Variants in KIF24 observed in about 807,000 individuals in gnomAD.
The protein encoded by KIF24 is kinesin family member 24.
Under a neutral mutation model 118.9 loss-of-function variants are expected in KIF24, and 81 were observed. The observed-to-expected ratio is 0.68, with a 90% confidence interval of 0.57 to 0.82. The LOEUF is 0.82. KIF24 is among the 40% of genes least tolerant of loss of function. The pLI is 0.00. For missense variants in KIF24, 1,560 were observed against 1,661.6 expected, an observed-to-expected ratio of 0.94 and a Z score of 1.06; for synonymous variants, 599 against 610.0, an observed-to-expected ratio of 0.98 and a Z score of 0.27.
intron 4 of KIF24, among the ~76,000 whole-genome samples, chr9:34,291,779 AGCT>A (rs1836264448): frequency 6.6e-6 from 1 of 151,856 alleles, no homozygotes; most frequent in African/African-American, 2.4e-5. Context: ...TGATAAAAAT[AGCT>A]GCTTGCAGCA....
At chr9:34,271,754 A>C (rs1444662909) in intron 7 of KIF24, 55 bp downstream of exon 7, 5 of 1,593,972 alleles carry the variant, frequency 3.1e-6, no homozygotes, top group Non-Finnish European at 4.3e-6. Flanking sequence ...AACATACTTC[A>C]AAGTCACATT....
intron 1 of KIF24, among the ~76,000 whole-genome samples, chr9:34,313,715 A>G (rs1837242025): frequency 6.7e-6 from 1 of 150,328 alleles, no homozygotes. Flanking sequence ...TGCCTCTCAC[A>G]TGTATAGCTT....
chr9:34,280,841 C>T (rs1835826000), intron 6 of KIF24, among the ~76,000 whole-genome samples: 1 of 152,086 alleles, frequency 6.6e-6, no homozygotes, highest in Admixed American at 6.6e-5. Flanking sequence ...AGATATATAC[C>T]AATGATGGGC....
At chr9:34,297,639 G>GT (rs1836536761) in intron 3 of KIF24, among the ~76,000 whole-genome samples, 1 of 152,008 alleles carries the variant, frequency 6.6e-6, no homozygotes, top group Non-Finnish European at 1.5e-5. Context: ...GTGGGCACTT[G>GT]TAATCCCAGC....
Position 34,319,181 on chromosome 9 carries a change from CT to C in KIF24, c.-25-7811del. On this transcript the variant is annotated intron_variant, in intron 1 of 12. Transcript: ENST00000402558. ...AAAGCTGCAAATCGTGGAGATGCCC[CT>C]GGCCCACAAGCTCTCCAGCCTCATC... The C allele has an allele frequency of 6.9e-6, 11 of 1,605,018 alleles. No individual in the cohort carries two copies. In the South Asian group the frequency reaches 1.2e-4, roughly 18 times the overall value.
Position 34,310,889 on chromosome 9 carries a change from A to G in KIF24, c.458T>C (p.Ile153Thr). 1 of 1,613,970 alleles carries G rather than the reference A, an allele frequency of 6.2e-7. No individual in the cohort carries two copies. The highest frequency in any genetic ancestry group is 2.2e-5 in the East Asian group (1 of 44,880). The change falls in exon 2 of 13, where the codon ATT becomes ACT. Residue 153 changes from isoleucine to threonine, a missense_variant. Transcript: ENST00000402558. The stretch of plus-strand genomic sequence containing the variant: ...GGAATCACCAGCTGTGGCATTCAGA[A>G]TTCCTGTTTTTGTATGGTACTGGGA... Reference protein sequence around the residue: ...DDSQYHTKTGILNATAGDSYV... With the variant: ...DDSQYHTKTGTLNATAGDSYV...
In KIF24 at chr9:34,254,431, A is replaced by C; in HGVS notation, c.4056T>G (p.Tyr1352Ter). ...IQSLRSQLQLYLTCHGPTAAP... is the reference protein window; with the variant it reads ...IQSLRSQLQL ...CTGCGGTGGGCCCGTGGCAGGTGAG[A>C]TAGAGCTGCAGCTGGCTCCTCAGAC... Residue 1352 changes from tyrosine (Y) to a stop codon, truncating the protein, a stop_gained, in exon 13 of 13, where the codon TAT becomes TAG. Transcript: ENST00000402558. LOFTEE classifies it high-confidence loss of function. 1 of 1,613,900 alleles carries C rather than the reference A, an allele frequency of 6.2e-7. No individual in the cohort carries two copies. Among genetic ancestry groups the C allele is most frequent in the Non-Finnish European group, 8.5e-7 (1 of 1,179,880 alleles).
At position 34,257,458 on chromosome 9, in the gene KIF24, C is replaced by G. The variant is rs1449995839; in HGVS notation, c.2149G>C (p.Val717Leu). 1 of 1,613,960 alleles carries G rather than the reference C, an allele frequency of 6.2e-7. No individual in the cohort carries two copies. The highest frequency in any genetic ancestry group is 1.7e-5 in the Admixed American group (1 of 60,012). Residue 717 changes from valine (V) to leucine (L), a missense_variant, in exon 11 of 13, where the codon GTG (valine) becomes CTG (leucine). Transcript: ENST00000402558. ...CCAAAGGAGAGCTCAACTCGAGACACAAGCTGCTTCTGTACTGGCTGCACT... is the reference window on the plus strand; with the variant it reads ...CCAAAGGAGAGCTCAACTCGAGACAGAAGCTGCTTCTGTACTGGCTGCACT... ...QTVQPVQKQL[V>L]SRVELSFGNA...
In KIF24 at chr9:34,318,781, G is replaced by C; in HGVS notation, c.-25-7410C>G. The C allele has an allele frequency of 6.5e-7, 1 of 1,539,360 alleles. No homozygotes were observed. The highest frequency in any genetic ancestry group is 1.1e-5 in the South Asian group (1 of 88,708). On this transcript the variant is annotated intron_variant, in intron 1 of 12. Transcript: ENST00000402558. The surrounding 1 kb of genome is among the most constrained non-coding windows in gnomAD (Gnocchi z 4.9). ...TCAGCAACTCCACCGCGCGCAACGT[G>C]ACCTGGAAGCTGTGCAGTCGCCTGT...
chr9:34,305,370 AT>A (rs1175680628), intron 3 of KIF24, among the ~76,000 whole-genome samples: 2 of 152,178 alleles, frequency 1.3e-5, no homozygotes, highest in African/African-American at 2.4e-5. Context: ...ATTTTCGCCA[AT>A]TAAGTATAAG....
chr9:34,287,769 G>A (rs931172469), intron 5 of KIF24, among the ~76,000 whole-genome samples: 1 of 152,062 alleles, frequency 6.6e-6, no homozygotes, highest in African/African-American at 2.4e-5. Flanking sequence ...AGTGGTGTGT[G>A]TCTGTAGTCC....
At position 34,256,518 on chromosome 9, in the gene KIF24, G is replaced by A. The variant is rs1834851002; in HGVS notation, c.3089C>T (p.Pro1030Leu). 1 of 1,613,946 alleles carries A rather than the reference G, an allele frequency of 6.2e-7. No homozygotes were observed. ...TSTVKNGHAV[P>L]GEDPRGQLGT... ...TAACTGCCCCCTAGGATCCTCTCCTGGGACAGCATGACCGTTTTTCACAGT... is the reference window on the plus strand; with the variant it reads ...TAACTGCCCCCTAGGATCCTCTCCTAGGACAGCATGACCGTTTTTCACAGT... The change falls in exon 11 of 13, where the codon CCA (proline) becomes CTA (leucine). Residue 1030 changes from proline to leucine, a missense_variant. Transcript: ENST00000402558.
chr9:34,311,332 T>C lies in KIF24; in HGVS notation c.15A>G (p.Leu5=). The part of the protein sequence containing the change: MASW[L]YECLCEAELA... The stretch of plus-strand genomic sequence containing the variant: ...GTTCAGCTTCACAAAGACATTCATA[T>C]AACCAGGATGCCATTTTGGTGAATA... The change falls in exon 2 of 13, where the codon TTA becomes TTG. Residue 5 remains leucine (L), a synonymous_variant. Transcript: ENST00000402558. 6.4e-7 allele frequency: 1 copy of C among 1,569,926 alleles called. No individual in the cohort carries two copies. Among genetic ancestry groups the C allele is most frequent in the Non-Finnish European group, 8.6e-7 (1 of 1,158,494 alleles).
intron 1 of KIF24, among the ~76,000 whole-genome samples, chr9:34,328,559 C>A (rs997009252): frequency 1.3e-5 from 2 of 152,172 alleles, no homozygotes; most frequent in Non-Finnish European, 2.9e-5. Context: ...TGGCCTCCCC[C>A]TAGCCTCGAA....
intron 1 of KIF24, among the ~76,000 whole-genome samples, chr9:34,321,494 G>T (rs970204879): frequency 4.0e-5 from 6 of 148,778 alleles, no homozygotes; most frequent in African/African-American, 1.5e-4. Context: ...GCATTTGCAG[G>T]AGACAGGTTC....
chr9:34,255,983 T>C lies in KIF24; in HGVS notation c.3624A>G (p.Pro1208=), dbSNP rs764059053. Residue 1208 remains proline (P), a synonymous_variant, in exon 11 of 13, where the codon CCA becomes CCG. Transcript: ENST00000402558. Reference sequence around the variant, plus strand: ...CAGCCACATCACTACTTCCTGTTCGTGGGGTGAGTGTAGGTCCAGAATGGG... The same window carrying C: ...CAGCCACATCACTACTTCCTGTTCGCGGGGTGAGTGTAGGTCCAGAATGGG... ...GVPHSGPTLT[P]RTGSSDVADQ... 6.2e-7 allele frequency: 1 copy of C among 1,613,948 alleles called. No homozygotes were observed. The highest frequency in any genetic ancestry group is 8.5e-7 in the Non-Finnish European group (1 of 1,179,876).
In KIF24 at chr9:34,253,255, G is replaced by A. The variant is rs1490616822; in HGVS notation, c.*1125C>T. ...TATCCTTTATCTGAAGGAAATAAAG[G>A]CTCACATAGTAATGGGCGTTCGGGC... On this transcript the variant is annotated 3_prime_UTR_variant, in exon 13 of 13. Coordinates refer to ENST00000402558, the MANE Select transcript of KIF24 (RefSeq NM_194313.4). The A allele has an allele frequency of 1.3e-5, 2 of 152,220 alleles. No homozygotes were observed. The highest frequency in any genetic ancestry group is 2.9e-5 in the Non-Finnish European group (2 of 68,050). The allele number at this position is 152,220 out of a possible 1,614,324, so 9.4% of individuals were successfully genotyped here.
chr9:34,257,359 A>C lies in KIF24; in HGVS notation c.2248T>G (p.Trp750Gly). The change falls in exon 11 of 13, where the codon TGG becomes GGG. Residue 750 changes from tryptophan (W) to glycine (G), a missense_variant. Transcript: ENST00000402558. ...TTCTGATGTGGCGGGATGTTTGTCCAAGCTTCAGAGGCAGGCCTAGCAGGC... is the reference window on the plus strand; with the variant it reads ...TTCTGATGTGGCGGGATGTTTGTCCCAGCTTCAGAGGCAGGCCTAGCAGGC... ...GTPARPASEA[W>G]TNIPPHQKER... is the part of the protein sequence containing the mutation. The C allele has an allele frequency of 6.2e-7, 1 of 1,614,032 alleles. No homozygotes were observed. Among genetic ancestry groups the C allele is most frequent in the Non-Finnish European group, 8.5e-7 (1 of 1,179,892 alleles).
chr9:34,313,445 AAATAAT>A (rs969703626), intron 1 of KIF24, among the ~76,000 whole-genome samples: 1 of 151,234 alleles, frequency 6.6e-6, no homozygotes, highest in Non-Finnish European at 1.5e-5. Flanking sequence ...ATCTCTCTTT[AAATAAT>A]AATAATTTTT....
Sources: gnomAD v4.1 joint callset for allele counts (sites outside exome capture counted in the v4.1 genomes callset) on GRCh38, gnomAD v4.1.1 for gene constraint, Gnocchi (gnomAD v3.1) non-coding constraint, MANE v1.5 for transcripts, NCBI Gene and HGNC (gene_info 2026-07-23, HGNC 2026-07-21) for gene names.